GPC5: variants seen among roughly 807,000 people sequenced by gnomAD.
GPC5 encodes the protein glypican 5.
In GPC5, 47 loss-of-function variants were observed where a neutral mutation model predicts 53.9. The ratio of observed to expected loss-of-function variants is 0.87; its 90% CI spans 0.69 to 1.11. GPC5 has a LOEUF of 1.11. Among genes scored for constraint, GPC5 ranks in the 50% most tolerant of loss-of-function variants. The pLI is 0.00. For synonymous variants in GPC5, 286 were observed against 263.3 expected, an observed-to-expected ratio of 1.09 and a Z score of -0.84; for missense variants, 748 against 713.1, an observed-to-expected ratio of 1.05 and a Z score of -0.56.
At chr13:92,426,078 T>C (rs17434593) in intron 7 of GPC5, among the ~76,000 whole-genome samples, 47,747 of 151,882 alleles carry the variant, frequency 0.31, 8,159 homozygotes, top group Non-Finnish European at 0.38. Flanking sequence ...CCTCTGAGAT[T>C]CCAGATTTAG....
chr13:92,208,339 G>T (rs984079048), intron 7 of GPC5, among the ~76,000 whole-genome samples: 6 of 152,200 alleles, frequency 3.9e-5, no homozygotes, highest in African/African-American at 1.2e-4. Context: ...CTTTCTCCCA[G>T]ACCTATATGG....
chr13:91,971,234 A>AT (rs1340465720), intron 6 of GPC5, among the ~76,000 whole-genome samples: 1 of 151,226 alleles, frequency 6.6e-6, no homozygotes, highest in Non-Finnish European at 1.5e-5. Context: ...TTTCTTCTAG[A>AT]TTTTCTAGTT....
At chr13:92,659,937 C>T (rs9589614) in intron 7 of GPC5, among the ~76,000 whole-genome samples, 2,315 of 152,210 alleles carry the variant, frequency 0.015, 69 homozygotes, top group African/African-American at 0.053. Context: ...GAAAGAAACC[C>T]GTGTGGAAAG....
At position 92,744,622 on chromosome 13, in the gene GPC5, C is replaced by T. The variant is rs1049975262; in HGVS notation, c.1562-121660C>T. Among the ~76,000 whole-genome samples, 3 of 151,638 alleles carry T rather than the reference C, an allele frequency of 2.0e-5. No homozygotes were observed. The South Asian group carries it at 6.2e-4, about 31-fold the overall frequency. ...TAGGATAATGAGCAAAACTGGGATCCATAAGGTGATGTTTAGAAACTGAAA... is the reference window on the plus strand; with the variant it reads ...TAGGATAATGAGCAAAACTGGGATCTATAAGGTGATGTTTAGAAACTGAAA... On this transcript the variant is annotated intron_variant, in intron 7 of 7. Transcript: ENST00000377067.
intron 7 of GPC5, among the ~76,000 whole-genome samples, chr13:92,735,482 C>A (rs1037035330): frequency 5.3e-5 from 8 of 151,864 alleles, no homozygotes; most frequent in African/African-American, 1.9e-4. Flanking sequence ...ACATTAAATT[C>A]TATGGATTCC....
At chr13:92,452,775 C>T (rs1594214069) in intron 7 of GPC5, among the ~76,000 whole-genome samples, 1 of 152,106 alleles carries the variant, frequency 6.6e-6, no homozygotes, top group Admixed American at 6.5e-5. Flanking sequence ...CACCGTGTTG[C>T]CCAGGCTGGT....
chr13:92,838,546 G>A (rs928796749), intron 7 of GPC5, among the ~76,000 whole-genome samples: 9 of 150,452 alleles, frequency 6.0e-5, no homozygotes, highest in African/African-American at 2.2e-4. Context: ...ATATTATATC[G>A]TGCCTCTATA....
intron 7 of GPC5, among the ~76,000 whole-genome samples, chr13:92,549,808 C>A (rs1229670658): frequency 1.3e-5 from 2 of 150,966 alleles, no homozygotes; most frequent in Non-Finnish European, 3.0e-5. Flanking sequence ...TTTTTATAAA[C>A]CTCTCTTTTA....
chr13:92,121,138 A>G (rs1191598368), intron 6 of GPC5, among the ~76,000 whole-genome samples: 2 of 152,172 alleles, frequency 1.3e-5, no homozygotes, highest in Non-Finnish European at 2.9e-5. Flanking sequence ...TATTTTCCAT[A>G]TTATTGAATA....
intron 7 of GPC5, among the ~76,000 whole-genome samples, chr13:92,260,671 G>T (rs61049392): frequency 0.029 from 4,435 of 152,272 alleles, 97 homozygotes; most frequent in East Asian, 0.11. Context: ...AATAAGTAGG[G>T]TGGGTTTGGT....
intron 7 of GPC5, among the ~76,000 whole-genome samples, chr13:92,540,052 T>G (rs893808096): frequency 2.0e-5 from 3 of 151,978 alleles, no homozygotes; most frequent in African/African-American, 7.2e-5. Flanking sequence ...TTAACTGACT[T>G]TGGTTTTCAT....
chr13:92,193,449 C>T lies in GPC5; in HGVS notation c.1561+48460C>T, dbSNP rs1215870704. On this transcript the variant is annotated intron_variant, in intron 7 of 7. Coordinates refer to ENST00000377067, the MANE Select transcript of GPC5 (RefSeq NM_004466.6). ...CACTTTATTTTGTGTATGTAACTAA[C>T]AGGAAAGGAGAATTCCCAGAGAGTT... is the stretch of plus-strand genomic sequence containing the variant. Among the ~76,000 whole-genome samples the T allele has an allele frequency of 4.6e-5, 7 of 152,058 alleles. No individual in the cohort carries two copies. In the East Asian group the frequency reaches 1.2e-3, roughly 25 times the overall value.
chr13:92,005,180 G>C (rs1879124298), intron 6 of GPC5, among the ~76,000 whole-genome samples: 1 of 152,096 alleles, frequency 6.6e-6, no homozygotes, highest in Non-Finnish European at 1.5e-5. Flanking sequence ...CCCTAAAAAA[G>C]AAAACTAAAG....
chr13:91,656,548 GA>G (rs2034849699), intron 2 of GPC5, among the ~76,000 whole-genome samples: 1 of 152,142 alleles, frequency 6.6e-6, no homozygotes, highest in African/African-American at 2.4e-5. Flanking sequence ...AGATAAATGT[GA>G]GATGTTACAA....
intron 7 of GPC5, among the ~76,000 whole-genome samples, chr13:92,319,997 T>C (rs966086227): frequency 6.6e-6 from 1 of 152,146 alleles, no homozygotes; most frequent in African/African-American, 2.4e-5. Flanking sequence ...CTCCATATAT[T>C]TTTCTCTATT....
intron 6 of GPC5, among the ~76,000 whole-genome samples, chr13:92,094,603 C>A (rs1594760487): frequency 6.6e-6 from 1 of 151,120 alleles, no homozygotes; most frequent in East Asian, 1.9e-4. Flanking sequence ...TAAATTGACT[C>A]CCTAATCAAA....
At chr13:92,192,582 A>G (rs1374402587) in intron 7 of GPC5, among the ~76,000 whole-genome samples, 1 of 152,132 alleles carries the variant, frequency 6.6e-6, no homozygotes, top group Non-Finnish European at 1.5e-5. Flanking sequence ...TTTAATTCTA[A>G]ATGTGGAGAA....
chr13:91,580,220 C>A (rs1212989109), intron 2 of GPC5, among the ~76,000 whole-genome samples: 3 of 151,754 alleles, frequency 2.0e-5, no homozygotes, highest in Non-Finnish European at 4.4e-5. Flanking sequence ...CTGGCTATTT[C>A]TTTGTATTTT....
chr13:91,674,477 A>T, intron 2 of GPC5, among the ~76,000 whole-genome samples: 1 of 150,510 alleles, frequency 6.6e-6, no homozygotes, highest in Middle Eastern at 3.5e-3. Flanking sequence ...ATATACACAC[A>T]CACGCGCATG....
Sources: gnomAD v4.1 joint callset for allele counts (sites outside exome capture counted in the v4.1 genomes callset) on GRCh38, gnomAD v4.1.1 for gene constraint, MANE v1.5 for transcripts, NCBI Gene and HGNC (gene_info 2026-07-23, HGNC 2026-07-21) for gene names.